Variants in KIAA0825 observed in about 807,000 individuals in gnomAD.
KIAA0825 encodes the protein uncharacterized protein KIAA0825.
A neutral mutation model predicts 147.6 loss-of-function variants in KIAA0825; 119 were observed. That is an observed-to-expected ratio of 0.81 (90% CI 0.69 to 0.94). The LOEUF (loss-of-function observed/expected upper bound fraction) is 0.94. KIAA0825 is among the 40% of genes least tolerant of loss of function. The pLI is 0.00. For missense variants in KIAA0825, 1,381 were observed against 1,472.7 expected, an observed-to-expected ratio of 0.94 and a Z score of 1.02; for synonymous variants, 470 against 518.1, an observed-to-expected ratio of 0.91 and a Z score of 1.26.
rs1279353738 is a variant in KIAA0825 at position 94,152,855 on chromosome 5, ATTATAT to A, written c.*1146_*1151del. ...AAAAAAAAAAAAAAAAAAAAAAAAA[ATTATAT>A]ATATATATATATATATATATATATA... On this transcript the variant is annotated 3_prime_UTR_variant, in exon 21 of 21. Transcript: ENST00000682413. 5.4e-4 allele frequency: 3 copies of A among 5,602 alleles called. No homozygotes were observed. The highest frequency in any genetic ancestry group is 7.1e-4 in the Non-Finnish European group (2 of 2,802). 0.3% of individuals were successfully genotyped at this position (5,602 alleles called of 1,614,324 possible). A position where few individuals can be genotyped will look rare whatever the true frequency, so the allele number is the denominator to read the frequency against.
chr5:94,537,268 T>C, intron 2 of KIAA0825, 141 bp from the exon 3 acceptor site: 3 of 579,068 alleles, frequency 5.2e-6, no homozygotes, highest in Non-Finnish European at 9.2e-6. Context: ...AATATAGCAG[T>C]TGGAGAACTA....
At chr5:94,550,101 A>G (rs1016308233) in intron 2 of KIAA0825, among the ~76,000 whole-genome samples, 11 of 152,158 alleles carry the variant, frequency 7.2e-5, no homozygotes, top group Non-Finnish European at 1.2e-4. Context: ...TTGCAACAAC[A>G]TGGATGAAAC....
At chr5:94,544,886 T>G (rs34937820) in intron 2 of KIAA0825, among the ~76,000 whole-genome samples, 12,289 of 152,158 alleles carry the variant, frequency 0.081, 747 homozygotes, top group East Asian at 0.26. Flanking sequence ...AGCAGTGTTA[T>G]AAGAGCCAAA....
intron 5 of KIAA0825, among the ~76,000 whole-genome samples, chr5:94,494,731 T>A (rs1764155518): frequency 1.3e-5 from 2 of 152,302 alleles, no homozygotes; most frequent in South Asian, 4.1e-4. Flanking sequence ...TGTGTTACTT[T>A]CTCGCATCAT....
chr5:94,281,230 CACA>C (rs1192497496), intron 20 of KIAA0825, among the ~76,000 whole-genome samples: 2 of 151,454 alleles, frequency 1.3e-5, no homozygotes, highest in Non-Finnish European at 2.9e-5. Flanking sequence ...CACACACACA[CACA>C]CACACACACA....
intron 20 of KIAA0825, among the ~76,000 whole-genome samples, chr5:94,331,548 C>A (rs1351293571): frequency 6.6e-6 from 1 of 152,006 alleles, no homozygotes; most frequent in African/African-American, 2.4e-5. Context: ...AACGAAGAAA[C>A]AATTTACTCT....
intron 2 of KIAA0825, chr5:94,569,128 A>T (rs753209631): frequency 1.4e-4 from 25 of 180,554 alleles, no homozygotes; most frequent in Non-Finnish European, 2.2e-4. Flanking sequence ...CACCACAATC[A>T]CCACCCCATC....
intron 13 of KIAA0825, among the ~76,000 whole-genome samples, chr5:94,445,158 A>ATT (rs1757571649): frequency 6.6e-6 from 1 of 152,134 alleles, no homozygotes; most frequent in South Asian, 2.1e-4. Flanking sequence ...ATATTGACCT[A>ATT]TTACAGGGAG....
intron 20 of KIAA0825, among the ~76,000 whole-genome samples, chr5:94,283,381 CCAGTGTAGGGGCTGTTTT>C (rs991915176): frequency 2.0e-4 from 30 of 152,206 alleles, no homozygotes; most frequent in African/African-American, 7.0e-4. Flanking sequence ...TCTCTGCTAT[CCAGTGTAGGGGCTGTTTT>C]CTGTCTCATG....
chr5:94,154,850 C>A (rs978566865), intron 20 of KIAA0825, among the ~76,000 whole-genome samples: 1 of 152,176 alleles, frequency 6.6e-6, no homozygotes, highest in Non-Finnish European at 1.5e-5. Context: ...ACTCTCTCCA[C>A]CTCCCCAGGA....
intron 20 of KIAA0825, among the ~76,000 whole-genome samples, chr5:94,186,787 G>T (rs1770157839): frequency 6.6e-6 from 1 of 152,198 alleles, no homozygotes; most frequent in Non-Finnish European, 1.5e-5. Flanking sequence ...ACCAGAGAGG[G>T]TGTTGTGAGG....
chr5:94,312,568 A>C (rs1223388903), intron 20 of KIAA0825, among the ~76,000 whole-genome samples: 2 of 151,726 alleles, frequency 1.3e-5, no homozygotes, highest in Non-Finnish European at 3.0e-5. Context: ...ATCAGACAGC[A>C]ATGATGACTC....
chr5:94,258,822 G>A (rs1346845475), intron 20 of KIAA0825, among the ~76,000 whole-genome samples: 1 of 151,922 alleles, frequency 6.6e-6, no homozygotes, highest in African/African-American at 2.4e-5. Context: ...ATTCCAGATT[G>A]TTCTATATGC....
At chr5:94,444,254 A>G (rs1467665335) in intron 13 of KIAA0825, among the ~76,000 whole-genome samples, 2 of 152,240 alleles carry the variant, frequency 1.3e-5, no homozygotes, top group East Asian at 3.9e-4. Flanking sequence ...GGGACCATTT[A>G]GGATCCCACT....
chr5:94,565,423 C>CCT (rs1178805886), intron 2 of KIAA0825, among the ~76,000 whole-genome samples: 6 of 150,470 alleles, frequency 4.0e-5, no homozygotes, highest in African/African-American at 1.5e-4. Flanking sequence ...CTCACCGCAA[C>CCT]CTCTGCCTCC....
intron 7 of KIAA0825, among the ~76,000 whole-genome samples, chr5:94,476,363 A>C (rs1334862297): frequency 6.6e-6 from 1 of 152,146 alleles, no homozygotes; most frequent in Non-Finnish European, 1.5e-5. Flanking sequence ...CTAGGGCTGG[A>C]GGAATTTAGA....
intron 6 of KIAA0825, among the ~76,000 whole-genome samples, chr5:94,481,264 T>C (rs1762467528): frequency 1.3e-5 from 2 of 152,046 alleles, no homozygotes; most frequent in African/African-American, 4.8e-5. Context: ...TTCTTTGTGG[T>C]TCATTTTATA....
chr5:94,212,718 G>C (rs1293478219), intron 20 of KIAA0825, among the ~76,000 whole-genome samples: 1 of 152,112 alleles, frequency 6.6e-6, no homozygotes, highest in Non-Finnish European at 1.5e-5. Context: ...TCTTATTAGG[G>C]GGCTGCTAGC....
At chr5:94,306,561 T>TA (rs566512171) in intron 20 of KIAA0825, among the ~76,000 whole-genome samples, 129 of 151,848 alleles carry the variant, frequency 8.5e-4, no homozygotes, top group Middle Eastern at 3.4e-3. Flanking sequence ...CCTGACCAGA[T>TA]AGGTAGGATG....
Sources: gnomAD v4.1 joint callset for allele counts (sites outside exome capture counted in the v4.1 genomes callset) on GRCh38, gnomAD v4.1.1 for gene constraint, MANE v1.5 for transcripts, NCBI Gene and HGNC (gene_info 2026-07-23, HGNC 2026-07-21) for gene names.